GRM1: variants seen among roughly 807,000 people sequenced by gnomAD.
The protein encoded by GRM1 is glutamate metabotropic receptor 1.
Under a neutral mutation model 90.9 loss-of-function variants are expected in GRM1, and 33 were observed. That is an observed-to-expected ratio of 0.36 (90% CI 0.28 to 0.49). The LOEUF is 0.49. Ranked by LOEUF, GRM1 falls within the 20% of genes least tolerant of loss-of-function variation. The pLI, the probability that GRM1 is intolerant of heterozygous loss-of-function variation, is 0.99. For synonymous variants in GRM1, 700 were observed against 613.2 expected, an observed-to-expected ratio of 1.14 and a Z score of -2.09; for missense variants, 1,190 against 1,534.3, an observed-to-expected ratio of 0.78 and a Z score of 3.75.
chr6:146,341,997 G>T (rs1026120697), intron 3 of GRM1, among the ~76,000 whole-genome samples: 10 of 152,172 alleles, frequency 6.6e-5, no homozygotes, highest in Middle Eastern at 3.2e-3. Context: ...ACCCCTAGAA[G>T]AGAAGGTGCA....
At position 146,067,745 on chromosome 6, in the gene GRM1, A is replaced by ACAAAG. The variant is rs547461292; in HGVS notation, c.700+37531_700+37532insAGCAA. Among the ~76,000 whole-genome samples the ACAAAG allele has an allele frequency of 5.2e-4, 79 of 152,314 alleles. 1 individual carries two copies. In the South Asian group the frequency reaches 0.016, roughly 31 times the overall value. On this transcript the variant is annotated intron_variant, in intron 1 of 7. Coordinates refer to ENST00000282753, the MANE Select transcript of GRM1 (RefSeq NM_001278064.2). ...TACATTCTTAAAAAAACAAAACAAA[A>ACAAAG]CAACAAAATAAGTTTCCAAAGATAA...
intron 1 of GRM1, among the ~76,000 whole-genome samples, chr6:146,050,196 T>C (rs763979204): frequency 2.6e-5 from 4 of 152,022 alleles, no homozygotes; most frequent in Non-Finnish European, 5.9e-5. Context: ...CACCTGTTCT[T>C]GTCAACCAGA....
intron 2 of GRM1, among the ~76,000 whole-genome samples, chr6:146,291,026 G>C (rs1041369778): frequency 2.6e-5 from 4 of 152,136 alleles, no homozygotes; most frequent in Non-Finnish European, 5.9e-5. Flanking sequence ...CTGTGACTAT[G>C]TTATATTATG....
In GRM1 at chr6:146,029,068, T is replaced by C. The variant is rs2128833721; in HGVS notation, c.-450T>C. On this transcript the variant is annotated 5_prime_UTR_variant, in exon 1 of 8. Coordinates refer to ENST00000282753, the MANE Select transcript of GRM1 (RefSeq NM_001278064.2). ...GTGACCACAGCTGCGCTCCAAGCTG[T>C]TCCTGCAGCCGATATCAGGATGTGC... is the stretch of plus-strand genomic sequence containing the variant. The C allele has an allele frequency of 3.7e-6, 1 of 267,976 alleles. No individual in the cohort carries two copies. The highest frequency in any genetic ancestry group is 7.3e-6 in the Non-Finnish European group (1 of 136,988). The allele number at this position is 267,976 out of a possible 1,614,324, so 16.6% of individuals were successfully genotyped here. A position where few individuals can be genotyped will look rare whatever the true frequency, so the allele number is the denominator to read the frequency against.
At chr6:146,337,833 G>A (rs1321140121) in intron 3 of GRM1, among the ~76,000 whole-genome samples, 12 of 152,204 alleles carry the variant, frequency 7.9e-5, no homozygotes, top group Admixed American at 7.2e-4. Flanking sequence ...TCCCCCAAAA[G>A]AAAATGATTT....
chr6:146,260,081 A>G (rs1482333667), intron 2 of GRM1, among the ~76,000 whole-genome samples: 2 of 151,902 alleles, frequency 1.3e-5, no homozygotes, highest in African/African-American at 2.4e-5. Flanking sequence ...ACATAGGTAT[A>G]CATGTGCCCT....
intron 3 of GRM1, among the ~76,000 whole-genome samples, chr6:146,340,702 C>T (rs529939569): frequency 1.3e-5 from 2 of 152,248 alleles, no homozygotes; most frequent in African/African-American, 2.4e-5. Flanking sequence ...TGCACCACTA[C>T]ACCCAGCTAA....
At position 146,029,933 on chromosome 6, in the gene GRM1, G is replaced by A. The variant is rs140910734; in HGVS notation, c.416G>A (p.Arg139Gln). The A allele has an allele frequency of 3.3e-5, 53 of 1,614,018 alleles. No individual in the cohort carries two copies. The highest frequency in any genetic ancestry group is 3.9e-5 in the Non-Finnish European group (46 of 1,180,028). ...SIRDEKDGIN[R>Q]CLPDGQSLPP... is the part of the protein sequence containing the mutation. ...CGAGATGAGAAGGATGGGATCAACC[G>A]GTGTCTGCCTGACGGCCAGTCCCTC... Residue 139 changes from arginine (R) to glutamine (Q), a missense_variant, in exon 1 of 8, where the codon CGG becomes CAG. Arg to Gln is a conservative substitution (Grantham distance 43, BLOSUM62 1). Coordinates refer to ENST00000282753, the MANE Select transcript of GRM1 (RefSeq NM_001278064.2).
chr6:146,404,028 G>C (rs1777246381), intron 7 of GRM1, among the ~76,000 whole-genome samples: 3 of 151,982 alleles, frequency 2.0e-5, no homozygotes, highest in Admixed American at 2.0e-4. Context: ...TACCCTAGTA[G>C]AACTTATTTG....
intron 2 of GRM1, among the ~76,000 whole-genome samples, chr6:146,257,178 T>TA (rs1423201424): frequency 2.0e-5 from 3 of 152,186 alleles, no homozygotes; most frequent in Non-Finnish European, 2.9e-5. Flanking sequence ...TCAATTCTCT[T>TA]ACGGCATGTA....
At chr6:146,433,823 T>C in intron 7 of GRM1, 49 bp from the exon 8 acceptor site, 1 of 1,275,454 alleles carries the variant, frequency 7.8e-7, no homozygotes, top group Non-Finnish European at 1.1e-6. Flanking sequence ...TATTTTATCC[T>C]GTGTGCATGA....
intron 7 of GRM1, among the ~76,000 whole-genome samples, chr6:146,427,853 A>G (rs1251386429): frequency 6.6e-6 from 1 of 152,228 alleles, no homozygotes; most frequent in Non-Finnish European, 1.5e-5. Context: ...CCAAGGACAC[A>G]GCAAGGAGAT....
chr6:146,112,764 C>A (rs1050759761), intron 1 of GRM1, among the ~76,000 whole-genome samples: 2 of 152,160 alleles, frequency 1.3e-5, no homozygotes, highest in Non-Finnish European at 2.9e-5. Context: ...TTTTATGCAA[C>A]TTCAAATCTG....
At chr6:146,243,882 C>T (rs1408403786) in intron 2 of GRM1, among the ~76,000 whole-genome samples, 2 of 152,080 alleles carry the variant, frequency 1.3e-5, no homozygotes, top group Non-Finnish European at 2.9e-5. Flanking sequence ...CCCAGAGCAG[C>T]CATTTCAGAG....
intron 1 of GRM1, among the ~76,000 whole-genome samples, chr6:146,059,330 A>T (rs1183931897): frequency 1.3e-5 from 2 of 152,114 alleles, no homozygotes; most frequent in Non-Finnish European, 2.9e-5. Context: ...GACCAGGTGT[A>T]TTGTCAATGA....
chr6:146,276,040 A>G (rs983602922), intron 2 of GRM1, among the ~76,000 whole-genome samples: 1 of 152,170 alleles, frequency 6.6e-6, no homozygotes, highest in African/African-American at 2.4e-5. Flanking sequence ...CATTAATGTT[A>G]TATCAAGCAA....
At position 146,398,772 on chromosome 6, in the gene GRM1, G is replaced by A; in HGVS notation, c.1733G>A (p.Cys578Tyr). 1 of 1,606,492 alleles carries A rather than the reference G, an allele frequency of 6.2e-7. No individual in the cohort carries two copies. The highest frequency in any genetic ancestry group is 8.5e-7 in the Non-Finnish European group (1 of 1,173,070). ...CAAATGATTTTTCTCATCACAGGCT[G>A]TGAGCCCATTCCTGTGCGCTATCTT... ...GWWPNADLTG[C>Y]EPIPVRYLEW... The change falls in exon 7 of 8, where the codon TGT (cysteine) becomes TAT (tyrosine). Residue 578 changes from cysteine (C) to tyrosine (Y), a missense_variant. Physicochemically the swap from Cys to Tyr is radical, Grantham distance 194 (BLOSUM62 -2). This residue lies in a region of GRM1 where 414 missense variants were observed against 598.4 expected (regional missense o/e 0.69). Transcript: ENST00000282753.
intron 5 of GRM1, among the ~76,000 whole-genome samples, chr6:146,358,899 C>A (rs1775343291): frequency 6.6e-6 from 1 of 152,250 alleles, no homozygotes; most frequent in Admixed American, 6.5e-5. Flanking sequence ...GCCTTCTCTG[C>A]AGAAGTTATA....
At chr6:146,367,928 T>C (rs1395648135) in intron 5 of GRM1, among the ~76,000 whole-genome samples, 1 of 151,990 alleles carries the variant, frequency 6.6e-6, no homozygotes, top group African/African-American at 2.4e-5. Flanking sequence ...TTGATAAGGA[T>C]TGCATTAAAT....
Sources: allele counts gnomAD v4.1 joint callset (sites outside exome capture counted in the v4.1 genomes callset), GRCh38; gene constraint gnomAD v4.1.1; regional missense constraint gnomAD v4.1.1; transcripts MANE v1.5; gene names NCBI Gene and HGNC (gene_info 2026-07-23, HGNC 2026-07-21).